The following TSNARE1 variants were observed in gnomAD, a reference collection of about 807,000 sequenced individuals.
TSNARE1 encodes t-SNARE domain containing 1, also known as t-SNARE domain-containing protein 1.
In TSNARE1, 49 loss-of-function variants were observed where a neutral mutation model predicts 62.0. The ratio of observed to expected loss-of-function variants is 0.79; its 90% CI spans 0.63 to 1.00. TSNARE1 has a LOEUF of 1.00. Among genes scored for constraint, TSNARE1 ranks in the 50% least tolerant of loss-of-function variants. TSNARE1 has a pLI of 0.00. For missense variants in TSNARE1, 755 were observed against 700.1 expected (o/e 1.08, Z -0.88); for synonymous variants, 328 against 294.4 (o/e 1.11, Z -1.17).
rs139302578 is a variant in TSNARE1, at chr8:142,306,411, G to A, written c.1132-5767C>T. Among the ~76,000 whole-genome samples the A allele has an allele frequency of 8.7e-3, 1,319 of 152,350 alleles. 12 individuals carry two copies. The highest frequency in any genetic ancestry group is 0.015 in the Non-Finnish European group (1,034 of 68,028). On this transcript the variant is annotated intron_variant, in intron 9 of 13. Coordinates refer to ENST00000524325, the MANE Select transcript of TSNARE1 (RefSeq NM_145003.5). ...GCCAGTGACGGCAGAGACAGAGCAT[G>A]ACCTGCCACTGGGGCCATTGCCCTG...
intron 13 of TSNARE1, among the ~76,000 whole-genome samples, chr8:142,227,196 C>A (rs1225591424): frequency 6.6e-6 from 1 of 150,440 alleles, no homozygotes; most frequent in African/African-American, 2.5e-5. Context: ...ACAGTGAGGA[C>A]CTCCACTGCA....
chr8:142,315,171 G>A (rs1052317282), intron 7 of TSNARE1, 79 bp from the exon 8 acceptor site: 9 of 1,417,806 alleles, frequency 6.3e-6, no homozygotes, highest in South Asian at 2.4e-5. Flanking sequence ...ACCTCCTCCC[G>A]TACCGATGTC....
chr8:142,312,925 G>A (rs1054940517), intron 9 of TSNARE1, among the ~76,000 whole-genome samples: 4 of 152,242 alleles, frequency 2.6e-5, no homozygotes, highest in East Asian at 1.9e-4. Flanking sequence ...CTGGGAATGC[G>A]TGCCTCTCTA....
At chr8:142,302,502 T>C (rs1013253938) in intron 9 of TSNARE1, among the ~76,000 whole-genome samples, 3 of 152,022 alleles carry the variant, frequency 2.0e-5, no homozygotes, top group Non-Finnish European at 4.4e-5. Context: ...GGATGGGGGC[T>C]GCCCAGCTCA....
At chr8:142,306,668 CA>C (rs1826736896) in intron 9 of TSNARE1, among the ~76,000 whole-genome samples, 1 of 152,242 alleles carries the variant, frequency 6.6e-6, no homozygotes, top group South Asian at 2.1e-4. Context: ...CCAGTCCCCC[CA>C]CATCAGCCTA....
intron 12 of TSNARE1, among the ~76,000 whole-genome samples, chr8:142,230,472 T>C (rs1474983221): frequency 6.6e-6 from 1 of 152,046 alleles, no homozygotes; most frequent in Non-Finnish European, 1.5e-5. Flanking sequence ...AGTGTGTTGT[T>C]GGAGAGAGCA....
chr8:142,316,864 A>G (rs55720379), intron 7 of TSNARE1, among the ~76,000 whole-genome samples: 35,439 of 151,818 alleles, frequency 0.23, 5,184 homozygotes, highest in African/African-American at 0.36. Flanking sequence ...GCCACGTCAC[A>G]TGTATTTTCC....
At chr8:142,344,889 G>A (rs1342649655) in intron 3 of TSNARE1, among the ~76,000 whole-genome samples, 1 of 152,190 alleles carries the variant, frequency 6.6e-6, no homozygotes, top group African/African-American at 2.4e-5. Context: ...CTGACATTTT[G>A]GAAGGCTCCT....
At chr8:142,346,408 C>A (rs532977750) in intron 2 of TSNARE1, among the ~76,000 whole-genome samples, 1 of 152,264 alleles carries the variant, frequency 6.6e-6, no homozygotes, top group Non-Finnish European at 1.5e-5. Context: ...CATCTCCCGG[C>A]TCCCAGCCCC....
intron 12 of TSNARE1, among the ~76,000 whole-genome samples, chr8:142,260,749 G>A (rs974696954): frequency 2.0e-5 from 3 of 151,602 alleles, no homozygotes; most frequent in Admixed American, 6.6e-5. Context: ...TGCACTCTGT[G>A]ATCTGCCTTT....
intron 12 of TSNARE1, among the ~76,000 whole-genome samples, chr8:142,257,796 C>T (rs1033971665): frequency 1.3e-4 from 20 of 152,172 alleles, no homozygotes; most frequent in African/African-American, 4.8e-4. Flanking sequence ...CTCACTGCTT[C>T]ATGGAGATCC....
At chr8:142,238,425 A>G (rs1486181070) in intron 12 of TSNARE1, among the ~76,000 whole-genome samples, 1 of 152,138 alleles carries the variant, frequency 6.6e-6, no homozygotes, top group Non-Finnish European at 1.5e-5. Context: ...CGGAAGGAAT[A>G]AAACCCTGCC....
At chr8:142,270,109 G>GC in intron 12 of TSNARE1, 1 of 985,432 alleles carries the variant, frequency 1.0e-6, no homozygotes, top group Non-Finnish European at 1.2e-6. Flanking sequence ...ACTAGCCAAG[G>GC]CCCGGGCTGG....
At chr8:142,401,039 G>A (rs1838252541) in intron 1 of TSNARE1, among the ~76,000 whole-genome samples, 1 of 152,192 alleles carries the variant, frequency 6.6e-6, no homozygotes, top group Non-Finnish European at 1.5e-5. Context: ...TGTCGCGAAT[G>A]GCTTGGTACA....
intron 1 of TSNARE1, among the ~76,000 whole-genome samples, chr8:142,368,335 T>C (rs1237519021): frequency 6.6e-6 from 1 of 151,864 alleles, no homozygotes; most frequent in Non-Finnish European, 1.5e-5. Flanking sequence ...CTTAAACATG[T>C]GAAAAGATTG....
chr8:142,392,181 G>A (rs1033753865), intron 1 of TSNARE1, among the ~76,000 whole-genome samples: 5 of 152,046 alleles, frequency 3.3e-5, no homozygotes, highest in South Asian at 2.1e-4. Flanking sequence ...GCACCACCAT[G>A]CCCGGCTAAT....
intron 1 of TSNARE1, among the ~76,000 whole-genome samples, chr8:142,398,498 C>T (rs956781796): frequency 6.6e-6 from 1 of 152,100 alleles, no homozygotes; most frequent in Non-Finnish European, 1.5e-5. Context: ...ACCGCCTCAA[C>T]CTTGCTCTGT....
upstream of TSNARE1, chr8:142,405,105 C>T (rs1441896269): frequency 6.6e-6 from 1 of 152,284 alleles, no homozygotes; most frequent in Non-Finnish European, 1.5e-5. Context: ...CACAGCAAGT[C>T]AGGGAAGGTA....
chr8:142,381,801 G>A (rs1428572176), intron 1 of TSNARE1, among the ~76,000 whole-genome samples: 2 of 152,200 alleles, frequency 1.3e-5, no homozygotes, highest in Non-Finnish European at 2.9e-5. Flanking sequence ...GGCGTCCTGG[G>A]CCAGCCCCTA....
Sources: allele counts gnomAD v4.1 joint callset (sites outside exome capture counted in the v4.1 genomes callset), GRCh38; gene constraint gnomAD v4.1.1; transcripts MANE v1.5; gene names NCBI Gene and HGNC (gene_info 2026-07-23, HGNC 2026-07-21).